PDXDC1: variants seen among roughly 807,000 people sequenced by gnomAD.
PDXDC1 encodes pyridoxal dependent decarboxylase domain containing 1, also known as pyridoxal-dependent decarboxylase domain-containing protein 1.
A neutral mutation model predicts 100.1 loss-of-function variants in PDXDC1; 42 were observed. The observed-to-expected ratio is 0.42, with a 90% CI of 0.33 to 0.54. PDXDC1 has a LOEUF of 0.54. PDXDC1 is among the 20% of genes least tolerant of loss of function. The pLI is 0.10. For synonymous variants in PDXDC1, 260 were observed against 371.7 expected, an observed-to-expected ratio of 0.70 and a Z score of 3.46; for missense variants, 636 against 979.2, an observed-to-expected ratio of 0.65 and a Z score of 4.68.
chr16:14,984,315 C>CTTTTTT (rs1167894912), intron 1 of PDXDC1, among the ~76,000 whole-genome samples: 15 of 106,840 alleles, frequency 1.4e-4, no homozygotes, highest in Non-Finnish European at 2.0e-4. Flanking sequence ...GCACCCCCGC[C>CTTTTTT]TTTTTTTTTT....
At chr16:15,059,069 A>C (rs1399134091) in intron 16 of PDXDC1, among the ~76,000 whole-genome samples, 1 of 152,226 alleles carries the variant, frequency 6.6e-6, no homozygotes, top group Non-Finnish European at 1.5e-5. Flanking sequence ...ATGCAGTTGT[A>C]CACCAATGAA....
intron 1 of PDXDC1, among the ~76,000 whole-genome samples, chr16:14,978,023 TA>T (rs1967083047): frequency 6.6e-6 from 1 of 151,970 alleles, no homozygotes; most frequent in Non-Finnish European, 1.5e-5. Flanking sequence ...TTGGTCCAAA[TA>T]TAGTTCTGTC....
chr16:15,133,462 G>C, intron 16 of PDXDC1: 3 of 882,262 alleles, frequency 3.4e-6, no homozygotes, highest in Non-Finnish European at 5.4e-6. Context: ...TGGCAGTCTC[G>C]GGGGCGCCCT....
At chr16:15,003,876 C>A (rs1273563705) in intron 4 of PDXDC1, among the ~76,000 whole-genome samples, 1 of 152,200 alleles carries the variant, frequency 6.6e-6, no homozygotes, top group Non-Finnish European at 1.5e-5. Context: ...TCCAGCTACT[C>A]GGGAGGCTGA....
Position 15,033,385 on chromosome 16 carries a change from G to C in PDXDC1, c.1798G>C (p.Glu600Gln), listed in dbSNP as rs1479644966. The change falls in exon 19 of 23, where the codon GAG (glutamate) becomes CAG (glutamine). Residue 600 changes from glutamate (E) to glutamine (Q), a missense_variant. Transcript: ENST00000396410. ...ETIAATAREI[E>Q]ENSRLLENMT... ...CATTGCGGCCACAGCCCGGGAGATA[G>C]AGGAGAACTCGAGGGTCCGTAGCAC... The C allele has an allele frequency of 6.2e-7, 1 of 1,614,158 alleles. No individual in the cohort carries two copies. Among genetic ancestry groups the C allele is most frequent in the South Asian group, 1.1e-5 (1 of 91,090 alleles).
At chr16:15,087,117 T>C (rs1429251660) in intron 16 of PDXDC1, among the ~76,000 whole-genome samples, 1 of 152,172 alleles carries the variant, frequency 6.6e-6, no homozygotes, top group African/African-American at 2.4e-5. Flanking sequence ...ATATTAATTA[T>C]ATTCATGCAT....
At chr16:15,027,757 A>C (rs1331937519) in intron 14 of PDXDC1, among the ~76,000 whole-genome samples, 1 of 152,268 alleles carries the variant, frequency 6.6e-6, no homozygotes, top group African/African-American at 2.4e-5. Flanking sequence ...TTTTTCCACC[A>C]ATGTGTTCCT....
chr16:15,022,938 TACAG>T (rs1301863859), intron 13 of PDXDC1, among the ~76,000 whole-genome samples, 184 bp downstream of exon 13: 1 of 152,296 alleles, frequency 6.6e-6, no homozygotes, highest in African/African-American at 2.4e-5. Flanking sequence ...CTTATATTTA[TACAG>T]TGAGTCTGAA....
At chr16:15,070,248 T>A in intron 16 of PDXDC1, 1 of 1,611,454 alleles carries the variant, frequency 6.2e-7, no homozygotes, top group Non-Finnish European at 8.5e-7. Flanking sequence ...GGCATGATTT[T>A]ACAGTACTAG....
At chr16:14,994,357 T>C (rs1971507675) in intron 1 of PDXDC1, among the ~76,000 whole-genome samples, 2 of 152,296 alleles carry the variant, frequency 1.3e-5, no homozygotes, top group Non-Finnish European at 1.5e-5. Flanking sequence ...TTTCTACATA[T>C]GGCTGGCCAG....
chr16:15,097,271 TAAAAA>T (rs900067053), intron 16 of PDXDC1, among the ~76,000 whole-genome samples: 2 of 138,976 alleles, frequency 1.4e-5, no homozygotes, highest in Non-Finnish European at 3.1e-5. Flanking sequence ...TCTCATCTCT[TAAAAA>T]AAAAAAGGGA....
Position 15,131,206 on chromosome 16 carries a change from C to T in PDXDC1, c.1400-7673C>T, listed in dbSNP as rs777682773. On this transcript the variant is annotated intron_variant, in intron 16 of 16. Coordinates refer to the PDXDC1 transcript ENST00000535621. ...GACCACAACGGAGTTGGCAGAGCTGCGGTGGCCCCGGGCAGCCCAGTCCGA... is the reference window on the plus strand; with the variant it reads ...GACCACAACGGAGTTGGCAGAGCTGTGGTGGCCCCGGGCAGCCCAGTCCGA... The T allele has an allele frequency of 7.1e-5, 113 of 1,588,346 alleles. 4 individuals carry two copies. The highest frequency in any genetic ancestry group is 7.6e-5 in the Non-Finnish European group (89 of 1,170,160).
intron 16 of PDXDC1, chr16:15,134,087 G>A (rs1310601001): frequency 5.1e-6 from 8 of 1,565,092 alleles, no homozygotes; most frequent in East Asian, 4.6e-5. Flanking sequence ...GCAGGCAGAA[G>A]GGGTGGTGAG....
intron 16 of PDXDC1, among the ~76,000 whole-genome samples, chr16:15,081,245 T>C (rs2045691253): frequency 6.6e-6 from 1 of 152,232 alleles, no homozygotes; most frequent in East Asian, 1.9e-4. Flanking sequence ...GAAATGGAAC[T>C]GCTGAGTCAC....
At chr16:15,089,786 CAAAAAAAAA>C (rs142235345) in intron 16 of PDXDC1, among the ~76,000 whole-genome samples, 2 of 66,572 alleles carry the variant, frequency 3.0e-5, no homozygotes, top group Non-Finnish European at 2.5e-5. Flanking sequence ...GGCGACAGAG[CAAAAAAAAA>C]AAAAAAAAAA....
chr16:15,133,373 G>A (rs1211706408), intron 16 of PDXDC1: 14 of 1,049,846 alleles, frequency 1.3e-5, no homozygotes, highest in Non-Finnish European at 1.7e-5. Flanking sequence ...CAGCCAGACT[G>A]TGAGCCCCAT....
At chr16:15,083,380 C>A in intron 16 of PDXDC1, 1 of 1,391,162 alleles carries the variant, frequency 7.2e-7, no homozygotes, top group Non-Finnish European at 9.7e-7. Context: ...GCTTGGGCGA[C>A]AGAGTGAGAC....
At chr16:15,083,995 C>T (rs1171665034) in intron 16 of PDXDC1, among the ~76,000 whole-genome samples, 9 of 152,156 alleles carry the variant, frequency 5.9e-5, no homozygotes, top group Admixed American at 3.3e-4. Flanking sequence ...GGATTACAGG[C>T]GTGAGCCACC....
chr16:15,076,738 A>C lies in PDXDC1; in HGVS notation c.1399+46682A>C, dbSNP rs570836367. ...GGATGGAAATTCATCTGATATACGC[A>C]TGTTCAAGGTGTCCAGATTAGTGCC... On this transcript the variant is annotated intron_variant, in intron 16 of 16. Transcript: ENST00000535621. 8 of 894,172 alleles carry C rather than the reference A, an allele frequency of 8.9e-6. No homozygotes were observed. The East Asian group carries it at 2.1e-4, about 23-fold the overall frequency. 55.4% of individuals were successfully genotyped at this position (894,172 alleles called of 1,614,324 possible). A position where few individuals can be genotyped will look rare whatever the true frequency, so the allele number is the denominator to read the frequency against.
Sources: gnomAD v4.1 joint callset for allele counts (sites outside exome capture counted in the v4.1 genomes callset) on GRCh38, gnomAD v4.1.1 for gene constraint, MANE v1.5 for transcripts, NCBI Gene and HGNC (gene_info 2026-07-23, HGNC 2026-07-21) for gene names.